STIM1: variants seen among roughly 807,000 people sequenced by gnomAD.
STIM1 encodes the protein stromal interaction molecule 1.
Under a neutral mutation model 74.7 loss-of-function variants are expected in STIM1, and 25 were observed. The ratio of observed to expected loss-of-function variants is 0.33; its 90% confidence interval spans 0.24 to 0.47. The LOEUF is 0.47. Among genes scored for constraint, STIM1 ranks in the 20% least tolerant of loss-of-function variants. The pLI, the probability that STIM1 is intolerant of heterozygous loss-of-function variation, is 1.00. For missense variants in STIM1, 728 were observed against 920.8 expected, an observed-to-expected ratio of 0.79 and a Z score of 2.71; for synonymous variants, 328 against 348.8, an observed-to-expected ratio of 0.94 and a Z score of 0.66.
chr11:3,928,178 A>AT (rs914330248), intron 1 of STIM1, among the ~76,000 whole-genome samples: 4 of 149,166 alleles, frequency 2.7e-5, no homozygotes, highest in African/African-American at 9.9e-5. Context: ...GGAAGGACAT[A>AT]TTTTTTCTTT....
At chr11:4,046,028 C>T (rs1210190768) in intron 3 of STIM1, among the ~76,000 whole-genome samples, 4 of 148,376 alleles carry the variant, frequency 2.7e-5, no homozygotes, top group African/African-American at 9.9e-5. Context: ...CCTCGGCCTC[C>T]CAAAGTGCTG....
chr11:4,088,573 G>C (rs1052810867), intron 12 of STIM1: 5 of 807,384 alleles, frequency 6.2e-6, no homozygotes, highest in Admixed American at 6.2e-5. Flanking sequence ...TTGGGTTGGG[G>C]ACACTAAGGG....
chr11:3,994,291 C>T (rs1362359201), intron 2 of STIM1, among the ~76,000 whole-genome samples: 1 of 152,128 alleles, frequency 6.6e-6, no homozygotes. Flanking sequence ...CAAACTTTCT[C>T]ATTGCCTTTG....
chr11:4,011,763 A>T (rs1015687858), intron 2 of STIM1, among the ~76,000 whole-genome samples: 1 of 152,108 alleles, frequency 6.6e-6, no homozygotes, highest in Non-Finnish European at 1.5e-5. Flanking sequence ...TTTTGTTGCC[A>T]TTGCTTTTGG....
chr11:3,957,555 C>A (rs1226893903), intron 1 of STIM1, among the ~76,000 whole-genome samples: 1 of 151,486 alleles, frequency 6.6e-6, no homozygotes, highest in Non-Finnish European at 1.5e-5. Flanking sequence ...CTGCGCCTGG[C>A]CTATTATTAT....
chr11:4,040,287 C>G (rs2094138421), intron 3 of STIM1, among the ~76,000 whole-genome samples: 1 of 152,154 alleles, frequency 6.6e-6, no homozygotes, highest in African/African-American at 2.4e-5. Context: ...TTTCTCTGAT[C>G]TACTTGTTTT....
At chr11:3,981,967 T>C (rs2093509454) in intron 2 of STIM1, among the ~76,000 whole-genome samples, 1 of 152,192 alleles carries the variant, frequency 6.6e-6, no homozygotes, top group African/African-American at 2.4e-5. Flanking sequence ...TGTTTGACTT[T>C]GGAAAGTTTC....
At chr11:4,033,707 C>T (rs542625700) in intron 3 of STIM1, among the ~76,000 whole-genome samples, 15 of 151,858 alleles carry the variant, frequency 9.9e-5, no homozygotes, top group East Asian at 7.9e-4. Flanking sequence ...ACCATTCTCC[C>T]GCCTCAGCCT....
chr11:4,032,844 T>C (rs1247076071), intron 3 of STIM1, among the ~76,000 whole-genome samples: 1 of 152,240 alleles, frequency 6.6e-6, no homozygotes, highest in African/African-American at 2.4e-5. Flanking sequence ...AAATGGTATT[T>C]TAAAATAATT....
At chr11:4,070,260 T>C in intron 6 of STIM1, 57 bp downstream of exon 6, 1 of 1,605,406 alleles carries the variant, frequency 6.2e-7, no homozygotes, top group Non-Finnish European at 8.5e-7. Flanking sequence ...GAACCTCCTA[T>C]TTCCACCTGG....
chr11:4,055,471 A>G (rs2094280967), intron 3 of STIM1, 55 bp from the exon 4 acceptor site: 1 of 1,358,334 alleles, frequency 7.4e-7, no homozygotes. Flanking sequence ...ATGACAACAA[A>G]TGAAAGCAGT....
rs200324378 is a variant in STIM1 at position 4,091,559 on chromosome 11, G to A, written c.1912G>A (p.Gly638Ser). 2.1e-5 allele frequency: 34 copies of A among 1,614,076 alleles called. No homozygotes were observed. The highest frequency in any genetic ancestry group is 1.3e-4 in the East Asian group (6 of 44,882). The change falls in exon 13 of 13, where the codon GGC (glycine) becomes AGC (serine). Residue 638 changes from glycine (G) to serine (S), a missense_variant. Gly to Ser is a moderately conservative substitution (Grantham distance 56). Transcript: ENST00000526596. The part of the protein sequence containing the change: ...MELSPSAPPG[G>S]SPHLDSSRSH... Reference sequence around the variant, plus strand: ...GCTGAGCCCCTCAGCCCCACCTGGTGGCTCTCCACATTTGGATTCTTCCCG... The same window carrying A: ...GCTGAGCCCCTCAGCCCCACCTGGTAGCTCTCCACATTTGGATTCTTCCCG...
chr11:4,038,420 TA>T lies in STIM1; in HGVS notation c.385+14444del, dbSNP rs1225876065. On this transcript the variant is annotated intron_variant, in intron 3 of 12. Transcript: ENST00000526596. ...TACCCTAAAACTTAAAGTATAATAA[TA>T]AAAAAAAAAAGAAGCTTCCAGTAGT... Among the ~76,000 whole-genome samples the T allele has an allele frequency of 5.8e-3, 845 of 146,382 alleles. 3 individuals are homozygous for T. Among genetic ancestry groups the T allele is most frequent in the African/African-American group, 0.019 (749 of 39,718 alleles).
intron 9 of STIM1, 97 bp from the exon 10 acceptor site, chr11:4,083,166 C>G: frequency 2.2e-6 from 3 of 1,352,604 alleles, no homozygotes; most frequent in Non-Finnish European, 3.2e-6. Context: ...GTTTTATTCA[C>G]ACATATTCTC....
At chr11:3,969,487 C>T (rs1349469965) in intron 2 of STIM1, among the ~76,000 whole-genome samples, 1 of 152,022 alleles carries the variant, frequency 6.6e-6, no homozygotes, top group Non-Finnish European at 1.5e-5. Flanking sequence ...GTCTCTAAAA[C>T]AAAACAAAAC....
chr11:4,013,017 T>C (rs2093854712), intron 2 of STIM1, among the ~76,000 whole-genome samples: 1 of 152,230 alleles, frequency 6.6e-6, no homozygotes. Flanking sequence ...GTTTATGTGA[T>C]GGATTATGTT....
At chr11:3,970,543 G>GT (rs111602159) in intron 2 of STIM1, among the ~76,000 whole-genome samples, 43,296 of 145,644 alleles carry the variant, frequency 0.3, 6,979 homozygotes, top group South Asian at 0.48. Flanking sequence ...GACCTGAAGG[G>GT]TTTTTTTTTT....
At chr11:4,012,636 G>T (rs1460847024) in intron 2 of STIM1, among the ~76,000 whole-genome samples, 1 of 152,142 alleles carries the variant, frequency 6.6e-6, no homozygotes, top group African/African-American at 2.4e-5. Context: ...GGAGACGATG[G>T]GGTTTTCTAA....
intron 1 of STIM1, among the ~76,000 whole-genome samples, chr11:3,951,609 G>A (rs922642341): frequency 1.8e-4 from 28 of 152,088 alleles, no homozygotes; most frequent in Admixed American, 6.6e-4. Context: ...ACTTAGAGCC[G>A]CTGTGATTGG....
Sources: gnomAD v4.1 joint callset for allele counts (sites outside exome capture counted in the v4.1 genomes callset) on GRCh38, gnomAD v4.1.1 for gene constraint, MANE v1.5 for transcripts, NCBI Gene and HGNC (gene_info 2026-07-23, HGNC 2026-07-21) for gene names.